The following U2SURP variants were observed in gnomAD, a reference collection of about 807,000 sequenced individuals.
U2SURP encodes U2 snRNP associated SURP domain containing, also known as U2 snRNP-associated SURP motif-containing protein.
A neutral mutation model predicts 144.9 loss-of-function variants in U2SURP; 9 were observed. The ratio of observed to expected loss-of-function variants is 0.06; its 90% CI spans 0.04 to 0.11. The LOEUF is 0.11. Among genes scored for constraint, U2SURP ranks in the 10% least tolerant of loss-of-function variants. U2SURP has a pLI of 1.00. For missense variants in U2SURP, 724 were observed against 1,226.7 expected, an observed-to-expected ratio of 0.59 and a Z score of 6.12; for synonymous variants, 408 against 396.8, an observed-to-expected ratio of 1.03 and a Z score of -0.33.
At position 143,038,973 on chromosome 3, in the gene U2SURP, GT is replaced by G; in HGVS notation, c.2384+17del. The G allele has an allele frequency of 6.8e-7, 1 of 1,478,666 alleles. No homozygotes were observed. Among genetic ancestry groups the G allele is most frequent in the Non-Finnish European group, 9.1e-7 (1 of 1,098,846 alleles). 91.6% of individuals were successfully genotyped at this position (1,478,666 alleles called of 1,614,324 possible). A position where few individuals can be genotyped will look rare whatever the true frequency, so the allele number is the denominator to read the frequency against. On this transcript the variant is annotated intron_variant, in intron 23 of 27. Coordinates refer to ENST00000473835, the MANE Select transcript of U2SURP (RefSeq NM_001080415.2). ...AAGAAAATCAAAAGTAAGAATCTAA[GT>G]TTTGAATATACTGTTTCTTGTTCAT...
At chr3:143,047,050 ACC>A (rs1443769182) in intron 24 of U2SURP, among the ~76,000 whole-genome samples, 1 of 121,546 alleles carries the variant, frequency 8.2e-6, no homozygotes, top group Admixed American at 7.7e-5. Flanking sequence ...CGGGGGACTG[ACC>A]CCCCCACCTC....
intron 1 of U2SURP, among the ~76,000 whole-genome samples, chr3:143,009,564 CT>C (rs1249381459): frequency 1.3e-5 from 2 of 151,544 alleles, no homozygotes; most frequent in Non-Finnish European, 2.9e-5. Flanking sequence ...CGCCACTGTA[CT>C]CCAGCCTGGG....
Position 143,010,829 on chromosome 3 carries a change from T to C in U2SURP, c.60T>C (p.Asp20=). The change falls in exon 2 of 28, where the codon GAT becomes GAC. Residue 20 remains aspartate (D), a synonymous_variant. Transcript: ENST00000473835. ...GATACTTGTAGACGAGATCATCAGA[T>C]GTTCATTCATCTGGATCTTCAGATG... is the stretch of plus-strand genomic sequence containing the variant. ...QKASSKTRSS[D]VHSSGSSDAH... is the part of the protein sequence containing the mutation. 1.2e-6 allele frequency: 2 copies of C among 1,608,132 alleles called. No individual in the cohort carries two copies. The highest frequency in any genetic ancestry group is 1.7e-6 in the Non-Finnish European group (2 of 1,177,586).
rs149728825 is a variant in U2SURP at position 143,021,306 on chromosome 3, T to A, written c.734-44T>A. On this transcript the variant is annotated intron_variant, in intron 8 of 27. Coordinates refer to ENST00000473835, the MANE Select transcript of U2SURP (RefSeq NM_001080415.2). ...AAAGGTGAGGGTAAGGGGGGACTAC[T>A]GTATTATAAAAACTAATAATTGTCT... 1,967 of 1,555,412 alleles carry A rather than the reference T, an allele frequency of 1.3e-3. 19 individuals are homozygous for A. In the African/African-American group the frequency reaches 0.022, roughly 17 times the overall value.
chr3:143,048,873 AAAT>A (rs1934686345), intron 24 of U2SURP, among the ~76,000 whole-genome samples: 1 of 152,164 alleles, frequency 6.6e-6, no homozygotes. Context: ...CCGTCTCAAA[AAAT>A]AATTAATTAA....
Position 143,004,575 on chromosome 3 carries a change from C to CCG in U2SURP, c.45+2903_45+2904insGC, listed in dbSNP as rs1553834309. ...TCTGTTGGCCTCTTGACCTTGTGACCCCCCCCCCCCGCCTCGGCCTCCCAA... is the reference window on the plus strand; with the variant it reads ...TCTGTTGGCCTCTTGACCTTGTGACCCGCCCCCCCCCCGCCTCGGCCTCCCAA... On this transcript the variant is annotated intron_variant, in intron 1 of 27. Coordinates refer to ENST00000473835, the MANE Select transcript of U2SURP (RefSeq NM_001080415.2). Among the ~76,000 whole-genome samples the CCG allele has an allele frequency of 5.6e-5, 4 of 71,334 alleles. 1 individual carries two copies. Among genetic ancestry groups the CCG allele is most frequent in the East Asian group, 4.5e-4 (1 of 2,210 alleles). The allele number at this position is 71,334 out of a possible 152,430, so 46.8% of individuals were successfully genotyped here. A position where few individuals can be genotyped will look rare whatever the true frequency, so the allele number is the denominator to read the frequency against.
Position 143,059,563 on chromosome 3 carries a change from T to C in U2SURP, c.*3113T>C, listed in dbSNP as rs544382928. On this transcript the variant is annotated 3_prime_UTR_variant, in exon 28 of 28. Transcript: ENST00000473835. ...CGTGACAATAGTTTATCATCATCATTATTGTTATTCAAAATAAGGGTAAAT... is the reference window on the plus strand; with the variant it reads ...CGTGACAATAGTTTATCATCATCATCATTGTTATTCAAAATAAGGGTAAAT... The C allele has an allele frequency of 5.9e-5, 9 of 152,078 alleles. No individual in the cohort carries two copies. In the East Asian group the frequency reaches 9.6e-4, roughly 16 times the overall value. 9.4% of individuals were successfully genotyped at this position (152,078 alleles called of 1,614,324 possible).
At position 143,043,063 on chromosome 3, in the gene U2SURP, A is replaced by C. The variant is rs554727442; in HGVS notation, c.2385-54A>C. 3 of 1,482,428 alleles carry C rather than the reference A, an allele frequency of 2.0e-6. No individual in the cohort carries two copies. In the East Asian group the frequency reaches 7.0e-5, roughly 35 times the overall value. 91.8% of individuals were successfully genotyped at this position (1,482,428 alleles called of 1,614,324 possible). A position where few individuals can be genotyped will look rare whatever the true frequency, so the allele number is the denominator to read the frequency against. ...AAAAATAAAATAGGTAGACTGTAAA[A>C]TATGGTACTCTCTTGCTGCCTTGAC... On this transcript the variant is annotated intron_variant, in intron 23 of 27. Coordinates refer to ENST00000473835, the MANE Select transcript of U2SURP (RefSeq NM_001080415.2).
chr3:143,020,169 A>T, intron 7 of U2SURP, 133 bp downstream of exon 7: 3 of 557,842 alleles, frequency 5.4e-6, no homozygotes, highest in Non-Finnish European at 8.8e-6. Context: ...TTTAGATATT[A>T]TAATATTTGG....
chr3:143,005,245 T>C (rs2108265460), intron 1 of U2SURP, among the ~76,000 whole-genome samples: 1 of 152,080 alleles, frequency 6.6e-6, no homozygotes, highest in East Asian at 1.9e-4. Context: ...GCTGAATTGC[T>C]TTGGGAACTG....
In U2SURP at chr3:143,041,652, T is replaced by C. The variant is rs567228359; in HGVS notation, c.2385-1465T>C. 2.6e-5 allele frequency among the ~76,000 whole-genome samples: 4 copies of C among 152,194 alleles called. No individual in the cohort carries two copies. The South Asian group carries it at 8.3e-4, about 32-fold the overall frequency. ...TTTTTCTCTCATACAATGAAGGTCT[T>C]ATTACATAAGACTTTAATTAAATTT... On this transcript the variant is annotated intron_variant, in intron 23 of 27. Coordinates refer to ENST00000473835, the MANE Select transcript of U2SURP (RefSeq NM_001080415.2).
At chr3:143,028,287 A>C in intron 14 of U2SURP, 53 bp from the exon 15 acceptor site, 1 of 1,508,030 alleles carries the variant, frequency 6.6e-7, no homozygotes, top group East Asian at 2.4e-5. Context: ...ATTTAATTGA[A>C]GATAGCTCTT....
chr3:143,043,850 G>GCTCT (rs1360107513), intron 24 of U2SURP, among the ~76,000 whole-genome samples: 4 of 150,650 alleles, frequency 2.7e-5, no homozygotes, highest in African/African-American at 9.8e-5. Flanking sequence ...CTCACTGCAA[G>GCTCT]CTCTCCCTCC....
intron 1 of U2SURP, among the ~76,000 whole-genome samples, chr3:143,010,476 C>T (rs1011667159): frequency 7.9e-5 from 12 of 152,136 alleles, no homozygotes; most frequent in African/African-American, 2.2e-4. Flanking sequence ...TGGCAGTAAA[C>T]GATGCATCTA....
In U2SURP at chr3:143,012,201, CTT is replaced by C. The variant is rs530850373; in HGVS notation, c.91-20_91-19del. 832 of 1,601,274 alleles carry C rather than the reference CTT, an allele frequency of 5.2e-4. 9 individuals carry two copies. In the South Asian group the frequency reaches 8.7e-3, roughly 17 times the overall value. ...ATATATGTGTGGTTTGTTTTTTTCT[CTT>C]GTTTTACTTTTCCTGAAGATGGATG... On this transcript the variant is annotated intron_variant, in intron 2 of 27. Transcript: ENST00000473835.
At chr3:143,003,049 TTG>T (rs2108262579) in intron 1 of U2SURP, among the ~76,000 whole-genome samples, 1 of 152,228 alleles carries the variant, frequency 6.6e-6, no homozygotes, top group South Asian at 2.1e-4. Flanking sequence ...CTCACAATTT[TTG>T]TTTCTTCTCA....
intron 18 of U2SURP, among the ~76,000 whole-genome samples, chr3:143,034,071 T>G (rs143839024): frequency 1.5e-3 from 226 of 152,306 alleles, no homozygotes; most frequent in Non-Finnish European, 1.3e-3. Flanking sequence ...TGTAAATGTT[T>G]CCTAAGGCAA....
In U2SURP at chr3:143,040,826, T is replaced by TA. The variant is rs542161472; in HGVS notation, c.2384+1867dup. On this transcript the variant is annotated intron_variant, in intron 23 of 27. Coordinates refer to ENST00000473835, the MANE Select transcript of U2SURP (RefSeq NM_001080415.2). ...AGCTCATTTAAAAAGTCTTAAGTAA[T>TA]ATGGTTAAATGTTTAATGTTCAGCC... Among the ~76,000 whole-genome samples, 21 of 151,966 alleles carry TA rather than the reference T, an allele frequency of 1.4e-4. 1 individual carries two copies. In the East Asian group the frequency reaches 3.5e-3, roughly 25 times the overall value.
chr3:143,047,838 G>A (rs1432839277), intron 24 of U2SURP, among the ~76,000 whole-genome samples: 2 of 99,274 alleles, frequency 2.0e-5, no homozygotes, highest in African/African-American at 3.9e-5. Flanking sequence ...GGGCAGAGGA[G>A]CCCCTCACCT....
Sources: allele counts gnomAD v4.1 joint callset (sites outside exome capture counted in the v4.1 genomes callset), GRCh38; gene constraint gnomAD v4.1.1; transcripts MANE v1.5; gene names NCBI Gene and HGNC (gene_info 2026-07-23, HGNC 2026-07-21).